Variants in RAB28 observed in about 807,000 individuals in gnomAD.
RAB28 encodes the protein RAB28, member RAS oncogene family.
A neutral mutation model predicts 31.7 loss-of-function variants in RAB28; 24 were observed. The observed-to-expected ratio is 0.76, with a 90% CI of 0.55 to 1.06. RAB28 has a LOEUF of 1.06. Among genes scored for constraint, RAB28 ranks in the 50% least tolerant of loss-of-function variants. RAB28 has a pLI of 0.00. For missense variants in RAB28, 254 were observed against 258.5 expected (o/e 0.98, Z 0.12); for synonymous variants, 100 against 90.4 (o/e 1.11, Z -0.60).
chr4:13,468,854 A>G (rs747412381), intron 3 of RAB28, among the ~76,000 whole-genome samples: 4 of 151,930 alleles, frequency 2.6e-5, no homozygotes, highest in Non-Finnish European at 2.9e-5. Flanking sequence ...GGAGGGAGAG[A>G]GAAGACACAT....
intron 4 of RAB28, among the ~76,000 whole-genome samples, chr4:13,425,639 G>C (rs1455572125): frequency 6.6e-6 from 1 of 152,120 alleles, no homozygotes; most frequent in African/African-American, 2.4e-5. Context: ...ATTTCTTCAA[G>C]ATCTTGAAGA....
chr4:13,393,472 T>A lies in RAB28; in HGVS notation c.392-11878A>T, dbSNP rs369414262. Among the ~76,000 whole-genome samples the A allele has an allele frequency of 7.2e-5, 11 of 152,058 alleles. No individual in the cohort carries two copies. The East Asian group carries it at 9.6e-4, about 13-fold the overall frequency. On this transcript the variant is annotated intron_variant, in intron 4 of 6. Transcript: ENST00000330852. ...CATATTCCAGCTTACCCAAGAAAAA[T>A]ATATATATAAGCACAAAAAGGGAAT...
chr4:13,462,137 T>C (rs573542615), intron 3 of RAB28, among the ~76,000 whole-genome samples: 3 of 152,250 alleles, frequency 2.0e-5, no homozygotes, highest in South Asian at 4.1e-4. Context: ...CAAACAAGTA[T>C]AGAACACAGT....
intron 5 of RAB28, among the ~76,000 whole-genome samples, chr4:13,380,423 C>A (rs1356929880): frequency 1.3e-5 from 2 of 151,752 alleles, no homozygotes; most frequent in African/African-American, 2.4e-5. Context: ...TGACTATTAG[C>A]ACTAATATAA....
At chr4:13,387,487 G>A (rs1729425851) in intron 4 of RAB28, among the ~76,000 whole-genome samples, 1 of 151,962 alleles carries the variant, frequency 6.6e-6, no homozygotes, top group Admixed American at 6.6e-5. Context: ...AGTGATAATG[G>A]AAAATAGTAC....
chr4:13,481,326 G>A (rs1015897171), intron 1 of RAB28, among the ~76,000 whole-genome samples: 5 of 152,034 alleles, frequency 3.3e-5, no homozygotes, highest in Middle Eastern at 3.4e-3. Context: ...ATCATCTCCC[G>A]ATGTCTTGAG....
chr4:13,436,832 T>C (rs916532471), intron 4 of RAB28, among the ~76,000 whole-genome samples: 3 of 152,102 alleles, frequency 2.0e-5, no homozygotes, highest in Non-Finnish European at 4.4e-5. Context: ...AAATTACCAA[T>C]GCCATTTTTC....
chr4:13,483,155 C>G (rs1197767298), intron 1 of RAB28, among the ~76,000 whole-genome samples: 1 of 152,142 alleles, frequency 6.6e-6, no homozygotes, highest in Non-Finnish European at 1.5e-5. Flanking sequence ...TCATAGACCC[C>G]TCTGAGATCT....
chr4:13,368,456 G>T lies in RAB28; in HGVS notation c.*102C>A, dbSNP rs770629095. On this transcript the variant is annotated 3_prime_UTR_variant, in exon 7 of 7. Transcript: ENST00000330852. Reference sequence around the variant, plus strand: ...GCAAGTTGGGAGTAAAGTGTTAACTGAACTACAGAGATGGTCACTGATAAA... The same window carrying T: ...GCAAGTTGGGAGTAAAGTGTTAACTTAACTACAGAGATGGTCACTGATAAA... 3 of 1,410,212 alleles carry T rather than the reference G, an allele frequency of 2.1e-6. No homozygotes were observed. Among genetic ancestry groups the T allele is most frequent in the African/African-American group, 3.0e-5 (2 of 66,976 alleles). The allele number at this position is 1,410,212 out of a possible 1,614,324, so 87.4% of individuals were successfully genotyped here.
At chr4:13,480,549 A>C (rs1377466047) in intron 1 of RAB28, among the ~76,000 whole-genome samples, 2 of 151,892 alleles carry the variant, frequency 1.3e-5, no homozygotes, top group African/African-American at 2.4e-5. Context: ...TGACATAAGC[A>C]GTACAATAGT....
At chr4:13,374,068 T>C (rs893895617) in intron 6 of RAB28, among the ~76,000 whole-genome samples, 1 of 151,968 alleles carries the variant, frequency 6.6e-6, no homozygotes, top group African/African-American at 2.4e-5. Context: ...AATTGTAAAA[T>C]CAATAATTTA....
At chr4:13,475,489 G>A (rs1482774470) in intron 2 of RAB28, among the ~76,000 whole-genome samples, 3 of 151,510 alleles carry the variant, frequency 2.0e-5, no homozygotes, top group African/African-American at 7.3e-5. Context: ...ACTAAAATCA[G>A]AGAAAGTTAG....
chr4:13,379,074 G>T, intron 5 of RAB28, among the ~76,000 whole-genome samples: 1 of 151,896 alleles, frequency 6.6e-6, no homozygotes, highest in Admixed American at 6.6e-5. Flanking sequence ...AGGCGTGGTG[G>T]TGGGTGCCTG....
chr4:13,416,086 C>T (rs1312636143), intron 4 of RAB28, among the ~76,000 whole-genome samples: 1 of 152,134 alleles, frequency 6.6e-6, no homozygotes, highest in Non-Finnish European at 1.5e-5. Context: ...TCAAAACAGA[C>T]TCGGCTCTCT....
intron 3 of RAB28, among the ~76,000 whole-genome samples, chr4:13,467,739 T>A (rs1577242843): frequency 6.6e-6 from 1 of 151,950 alleles, no homozygotes; most frequent in South Asian, 2.1e-4. Context: ...AAAGAACATG[T>A]GCAAAGAATA....
chr4:13,422,764 G>A (rs925445239), intron 4 of RAB28, among the ~76,000 whole-genome samples: 1 of 151,898 alleles, frequency 6.6e-6, no homozygotes, highest in African/African-American at 2.4e-5. Flanking sequence ...ATGGGGGACG[G>A]GGGAGGGATA....
At chr4:13,416,154 C>T (rs1483468665) in intron 4 of RAB28, among the ~76,000 whole-genome samples, 1 of 152,162 alleles carries the variant, frequency 6.6e-6, no homozygotes, top group Non-Finnish European at 1.5e-5. Context: ...TAAAAGCAGG[C>T]TGCCCAAGCC....
chr4:13,440,677 G>A (rs1047808556), intron 4 of RAB28, among the ~76,000 whole-genome samples: 5 of 151,968 alleles, frequency 3.3e-5, no homozygotes, highest in African/African-American at 1.2e-4. Context: ...GCTCTGATGT[G>A]GACTGAATTG....
chr4:13,391,513 T>C (rs747148582), intron 4 of RAB28, among the ~76,000 whole-genome samples: 40 of 152,308 alleles, frequency 2.6e-4, no homozygotes, highest in South Asian at 1.5e-3. Flanking sequence ...CTCAAGGATC[T>C]AGAACTAGAA....
Sources: gnomAD v4.1 joint callset for allele counts (sites outside exome capture counted in the v4.1 genomes callset) on GRCh38, gnomAD v4.1.1 for gene constraint, MANE v1.5 for transcripts, NCBI Gene and HGNC (gene_info 2026-07-23, HGNC 2026-07-21) for gene names.